The following PHLDB1 variants were observed in gnomAD, a reference collection of about 807,000 sequenced individuals.
PHLDB1 encodes pleckstrin homology like domain family B member 1.
Under a neutral mutation model 139.3 loss-of-function variants are expected in PHLDB1, and 65 were observed. The observed-to-expected ratio is 0.47, with a 90% CI of 0.38 to 0.57. PHLDB1 has a LOEUF of 0.57. Among genes scored for constraint, PHLDB1 ranks in the 20% least tolerant of loss-of-function variants. The pLI, the probability that PHLDB1 is intolerant of heterozygous loss-of-function variation, is 0.00. For missense variants in PHLDB1, 1,624 were observed against 1,839.7 expected, an observed-to-expected ratio of 0.88 and a Z score of 2.14; for synonymous variants, 679 against 734.5, an observed-to-expected ratio of 0.92 and a Z score of 1.22.
chr11:118,626,244 C>T (rs1591553415), intron 5 of PHLDB1, among the ~76,000 whole-genome samples: 1 of 144,210 alleles, frequency 6.9e-6, no homozygotes, highest in Admixed American at 7.0e-5. Context: ...TTTTCTTTTT[C>T]TTTTTTTTTT....
chr11:118,627,084 GC>G (rs1944008193), intron 5 of PHLDB1: 1 of 580,212 alleles, frequency 1.7e-6, no homozygotes, highest in Non-Finnish European at 3.0e-6. Context: ...GGAAGGCCCT[GC>G]CGATTCCCTT....
At chr11:118,639,991 C>G (rs1555118922) in intron 12 of PHLDB1, 2 of 986,042 alleles carry the variant, frequency 2.0e-6, no homozygotes, top group African/African-American at 1.7e-5. Context: ...CTTCTCTGCC[C>G]CAAAGCACAA....
chr11:118,607,334 TGGTG>T, upstream of PHLDB1, among the ~76,000 whole-genome samples: 1 of 2,618 alleles, frequency 3.8e-4, no homozygotes. Context: ...GGATGTGTGG[TGGTG>T]GTGGTGGTGG....
rs1949144039 is a variant in PHLDB1 at position 118,657,027 on chromosome 11, A to G, written c.*204A>G. 2.1e-6 allele frequency: 1 copy of G among 483,264 alleles called. No individual in the cohort carries two copies. The highest frequency in any genetic ancestry group is 1.9e-5 in the African/African-American group (1 of 52,172). The allele number at this position is 483,264 out of a possible 1,614,324, so 29.9% of individuals were successfully genotyped here. ...TTAGGGTCCTGCCCCAGGCCCAGCC[A>G]GGGCTGAGGAGCTGTCACAGAGAGG... On this transcript the variant is annotated 3_prime_UTR_variant, in exon 23 of 23. Transcript: ENST00000600882.
At chr11:118,651,753 C>T (rs1224148220) in intron 20 of PHLDB1, 8 of 150,534 alleles carry the variant, frequency 5.3e-5, no homozygotes, top group African/African-American at 2.0e-4. Flanking sequence ...TGCCACTGCA[C>T]TCTAGCCTGG....
chr11:118,619,145 AC>A (rs1161509421), intron 4 of PHLDB1, among the ~76,000 whole-genome samples: 17 of 152,286 alleles, frequency 1.1e-4, no homozygotes, highest in Admixed American at 9.8e-4. Flanking sequence ...CCCTGGGACC[AC>A]AGCGCCAGAC....
At chr11:118,618,466 CTG>C (rs1942104324) in intron 4 of PHLDB1, among the ~76,000 whole-genome samples, 1 of 152,074 alleles carries the variant, frequency 6.6e-6, no homozygotes, top group African/African-American at 2.4e-5. Flanking sequence ...TGTGCTATCT[CTG>C]TGTGTCTGTG....
chr11:118,632,106 A>G lies in PHLDB1; in HGVS notation c.2241+53A>G, dbSNP rs1944909927. Reference sequence around the variant, plus strand: ...CTTCCCTAGGCCAACTGAAGGCCCCAGAGAGGGGCCACAGTCAGCTGCTTT... The same window carrying G: ...CTTCCCTAGGCCAACTGAAGGCCCCGGAGAGGGGCCACAGTCAGCTGCTTT... On this transcript the variant is annotated intron_variant, in intron 8 of 22. Coordinates refer to ENST00000600882, the MANE Select transcript of PHLDB1 (RefSeq NM_001144758.3). This position sits in a 1 kb window ranked among gnomAD's most constrained non-coding sequence, Gnocchi z 5.9. 2.5e-6 allele frequency: 4 copies of G among 1,613,752 alleles called. No homozygotes were observed. The highest frequency in any genetic ancestry group is 3.4e-6 in the Non-Finnish European group (4 of 1,179,734).
chr11:118,650,299 A>C lies in PHLDB1; in HGVS notation c.3771+106A>C. The C allele has an allele frequency of 9.8e-7, 1 of 1,018,514 alleles. No homozygotes were observed. The highest frequency in any genetic ancestry group is 1.3e-5 in the South Asian group (1 of 77,056). The allele number at this position is 1,018,514 out of a possible 1,614,324, so 63.1% of individuals were successfully genotyped here. On this transcript the variant is annotated intron_variant, in intron 19 of 22. Coordinates refer to ENST00000600882, the MANE Select transcript of PHLDB1 (RefSeq NM_001144758.3). The surrounding 1 kb of genome is among the most constrained non-coding windows in gnomAD (Gnocchi z 4.7). ...GTGGCGTCAGTCTCTACCCTCACCT[A>C]ACCAGATCTCTGTCCCAGGACCTGG...
At chr11:118,649,105 C>T (rs1398226019) in intron 18 of PHLDB1, among the ~76,000 whole-genome samples, 1 of 152,074 alleles carries the variant, frequency 6.6e-6, no homozygotes. Flanking sequence ...CATGGCAAAA[C>T]CCCATCTCTA....
At position 118,631,353 on chromosome 11, in the gene PHLDB1, AG is replaced by A; in HGVS notation, c.1978del (p.Ala660ProfsTer55). ...GCCGGAGGCCCTCACGAGGCCTTGC[AG>A]GGGCCTCTGGGCGGAGCAGCGAGGA... is the stretch of plus-strand genomic sequence containing the variant. ...AGRRPSRGLA[G>X]ASGRSSEEPG... is the part of the protein sequence containing the mutation. On this transcript the variant is annotated frameshift_variant, in exon 7 of 23. Coordinates refer to ENST00000600882, the MANE Select transcript of PHLDB1 (RefSeq NM_001144758.3). LOFTEE classifies it high-confidence loss of function. 1 of 1,536,944 alleles carries A rather than the reference AG, an allele frequency of 6.5e-7. No individual in the cohort carries two copies. Among genetic ancestry groups the A allele is most frequent in the Non-Finnish European group, 8.7e-7 (1 of 1,143,212 alleles).
At chr11:118,626,470 G>A (rs1431459093) in intron 5 of PHLDB1, among the ~76,000 whole-genome samples, 3 of 151,886 alleles carry the variant, frequency 2.0e-5, no homozygotes, top group East Asian at 3.8e-4. Context: ...TGCAACCTCC[G>A]CCTCCTGGGT....
intron 15 of PHLDB1, 76 bp downstream of exon 15, chr11:118,644,250 C>T: frequency 1.0e-6 from 1 of 956,832 alleles, no homozygotes; most frequent in South Asian, 1.4e-5. Flanking sequence ...TCTATGCTCA[C>T]ACCTTTCACA....
chr11:118,650,232 G>A lies in PHLDB1; in HGVS notation c.3771+39G>A. The A allele has an allele frequency of 6.7e-7, 1 of 1,492,800 alleles. No homozygotes were observed. Among genetic ancestry groups the A allele is most frequent in the Non-Finnish European group, 9.3e-7 (1 of 1,069,582 alleles). 92.5% of individuals were successfully genotyped at this position (1,492,800 alleles called of 1,614,324 possible). A position where few individuals can be genotyped will look rare whatever the true frequency, so the allele number is the denominator to read the frequency against. On this transcript the variant is annotated intron_variant, in intron 19 of 22. Transcript: ENST00000600882. The surrounding 1 kb of genome is among the most constrained non-coding windows in gnomAD (Gnocchi z 4.7). Reference sequence around the variant, plus strand: ...GTGGCCCTGGGGTGCTGGGGAGAGGGAGAATCCCGTGGTGAGAGGCACCTC... The same window carrying A: ...GTGGCCCTGGGGTGCTGGGGAGAGGAAGAATCCCGTGGTGAGAGGCACCTC...
intron 18 of PHLDB1, among the ~76,000 whole-genome samples, chr11:118,648,442 A>G (rs1176051108): frequency 6.6e-6 from 1 of 151,924 alleles, no homozygotes; most frequent in African/African-American, 2.4e-5. Context: ...CAAGAATCAG[A>G]GTGGCTCCCC....
chr11:118,642,008 A>G, intron 12 of PHLDB1: 3 of 609,202 alleles, frequency 4.9e-6, no homozygotes, highest in Non-Finnish European at 8.8e-6. Context: ...ATTCAGGGCA[A>G]CTGTTGTCTC....
At position 118,657,073 on chromosome 11, in the gene PHLDB1, C is replaced by T. The variant is rs369599765; in HGVS notation, c.*250C>T. ...AGAGGGCCTCAGCTCTGACCTGACA[C>T]CTGCTCTCCCCAGCCTGTTTTCTCT... On this transcript the variant is annotated 3_prime_UTR_variant, in exon 23 of 23. Coordinates refer to ENST00000600882, the MANE Select transcript of PHLDB1 (RefSeq NM_001144758.3). 2.6e-6 allele frequency: 1 copy of T among 382,468 alleles called. No homozygotes were observed. The highest frequency in any genetic ancestry group is 4.7e-6 in the Non-Finnish European group (1 of 212,478). 23.7% of individuals were successfully genotyped at this position (382,468 alleles called of 1,614,324 possible). A position where few individuals can be genotyped will look rare whatever the true frequency, so the allele number is the denominator to read the frequency against.
intron 12 of PHLDB1, chr11:118,639,929 G>T (rs1475271379): frequency 5.1e-6 from 5 of 986,006 alleles, no homozygotes; most frequent in South Asian, 4.7e-5. Context: ...TTTTCCCAGG[G>T]TCTTCTCAGG....
rs944165214 is a variant in PHLDB1, at chr11:118,637,264, T to G, written c.2536-1627T>G. On this transcript the variant is annotated intron_variant, in intron 10 of 22. Coordinates refer to ENST00000600882, the MANE Select transcript of PHLDB1 (RefSeq NM_001144758.3). ...AATTACGTAACAAATGCAAAACATTTAGCAGAGTTCCTGGCTCCTAATGGG... is the reference window on the plus strand; with the variant it reads ...AATTACGTAACAAATGCAAAACATTGAGCAGAGTTCCTGGCTCCTAATGGG... The G allele has an allele frequency of 2.0e-5, 3 of 152,252 alleles. No homozygotes were observed. The East Asian group carries it at 5.8e-4, about 29-fold the overall frequency. The allele number at this position is 152,252 out of a possible 1,614,324, so 9.4% of individuals were successfully genotyped here.
Sources: gnomAD v4.1 joint callset for allele counts (sites outside exome capture counted in the v4.1 genomes callset) on GRCh38, gnomAD v4.1.1 for gene constraint, Gnocchi (gnomAD v3.1) non-coding constraint, MANE v1.5 for transcripts, NCBI Gene and HGNC (gene_info 2026-07-23, HGNC 2026-07-21) for gene names.